Variants in PCDHGB1 observed in about 807,000 individuals in gnomAD.
PCDHGB1 encodes protocadherin gamma subfamily B, 1, also known as protocadherin gamma-B1.
A neutral mutation model predicts 56.6 loss-of-function variants in PCDHGB1; 34 were observed. That is an observed-to-expected ratio of 0.60 (90% confidence interval 0.46 to 0.80). PCDHGB1 has a LOEUF of 0.80. Among genes scored for constraint, PCDHGB1 ranks in the 30% least tolerant of loss-of-function variants. The pLI, the probability that PCDHGB1 is intolerant of heterozygous loss-of-function variation, is 0.00. For missense variants in PCDHGB1, 1,278 were observed against 1,204.6 expected (o/e 1.06, Z -0.90); for synonymous variants, 561 against 505.9 (o/e 1.11, Z -1.46).
Position 141,477,889 on chromosome 5 carries a change from A to T in PCDHGB1, c.2410-16918A>T. 1 of 1,614,152 alleles carries T rather than the reference A, an allele frequency of 6.2e-7. No homozygotes were observed. Among genetic ancestry groups the T allele is most frequent in the Admixed American group, 1.7e-5 (1 of 60,016 alleles). On this transcript the variant is annotated intron_variant, in intron 1 of 3. Coordinates refer to ENST00000523390, the MANE Select transcript of PCDHGB1 (RefSeq NM_018922.3). This position sits in a 1 kb window ranked among gnomAD's most constrained non-coding sequence, Gnocchi z 4.9. The stretch of plus-strand genomic sequence containing the variant: ...GTACCTCAGCTGGCCACCTAGTGTC[A>T]CGGGTGGTAGGCTGGGACGCGGATG...
In PCDHGB1 at chr5:141,487,762, T is replaced by C; in HGVS notation, c.2410-7045T>C. 6.5e-7 allele frequency: 1 copy of C among 1,545,432 alleles called. No homozygotes were observed. The highest frequency in any genetic ancestry group is 8.8e-7 in the Non-Finnish European group (1 of 1,142,332). ...TAAGAGGTAACTATGTGGTAGACGC[T>C]GTGCTTTGTAACTGTTTCGTGAATT... On this transcript the variant is annotated intron_variant, in intron 1 of 3. Coordinates refer to ENST00000523390, the MANE Select transcript of PCDHGB1 (RefSeq NM_018922.3). The surrounding 1 kb of genome is among the most constrained non-coding windows in gnomAD (Gnocchi z 5.0).
intron 1 of PCDHGB1, chr5:141,414,845 T>C: frequency 1.2e-6 from 2 of 1,614,218 alleles, no homozygotes; most frequent in South Asian, 1.1e-5. Flanking sequence ...CTGTTTGTGC[T>C]GGACCAGAAC....
chr5:141,485,362 G>T lies in PCDHGB1; in HGVS notation c.2410-9445G>T. 6.2e-7 allele frequency: 1 copy of T among 1,614,144 alleles called. No individual in the cohort carries two copies. ...ATACGGACAGTCTGTCAGCTCGCAG[G>T]CTGCAGGTCGCTGGAGAGGTGAACC... is the stretch of plus-strand genomic sequence containing the variant. On this transcript the variant is annotated intron_variant, in intron 1 of 3. Coordinates refer to ENST00000523390, the MANE Select transcript of PCDHGB1 (RefSeq NM_018922.3). The surrounding 1 kb of genome is among the most constrained non-coding windows in gnomAD (Gnocchi z 5.7).
chr5:141,455,109 G>A (rs2098813382), intron 1 of PCDHGB1, among the ~76,000 whole-genome samples: 1 of 151,932 alleles, frequency 6.6e-6, no homozygotes, highest in South Asian at 2.1e-4. Context: ...ACTGCGCCCG[G>A]TGGGTCTAAT....
Position 141,350,822 on chromosome 5 carries a change from T to C in PCDHGB1, c.562T>C (p.Tyr188His). 6.2e-7 allele frequency: 1 copy of C among 1,614,012 alleles called. No individual in the cohort carries two copies. The highest frequency in any genetic ancestry group is 8.5e-7 in the Non-Finnish European group (1 of 1,179,884). ...STKESPDGSK[Y>H]PVLLLEKPLD... ...GAAGGAAAGTCCTGATGGAAGTAAA[T>C]ATCCGGTATTACTGCTGGAAAAACC... The change falls in exon 1 of 4, where the codon TAT (tyrosine) becomes CAT (histidine). Residue 188 changes from tyrosine (Y) to histidine (H), a missense_variant. Physicochemically the swap from Tyr to His is moderately conservative, Grantham distance 83 (BLOSUM62 2). Coordinates refer to ENST00000523390, the MANE Select transcript of PCDHGB1 (RefSeq NM_018922.3).
At chr5:141,452,948 G>A (rs2098752873) in intron 1 of PCDHGB1, among the ~76,000 whole-genome samples, 1 of 152,134 alleles carries the variant, frequency 6.6e-6, no homozygotes, top group African/African-American at 2.4e-5. Context: ...CTTGCAATTG[G>A]TTGTCTTTAA....
At chr5:141,414,161 GA>G (rs1351073953) in intron 1 of PCDHGB1, 1 of 1,603,276 alleles carries the variant, frequency 6.2e-7, no homozygotes, top group Admixed American at 1.7e-5. Context: ...GAAGATGGAG[GA>G]GCATATCTTG....
intron 1 of PCDHGB1, among the ~76,000 whole-genome samples, chr5:141,443,765 A>G (rs577762947): frequency 6.6e-6 from 1 of 152,340 alleles, no homozygotes; most frequent in East Asian, 1.9e-4. Context: ...TACAATATAC[A>G]ATATTACCAA....
chr5:141,488,677 G>A (rs2099678276), intron 1 of PCDHGB1, among the ~76,000 whole-genome samples: 2 of 152,184 alleles, frequency 1.3e-5, no homozygotes, highest in African/African-American at 2.4e-5. Context: ...CATGGGCTTT[G>A]CCTCTCCCAG....
intron 1 of PCDHGB1, among the ~76,000 whole-genome samples, chr5:141,471,046 CTTTT>C (rs1170588345): frequency 5.3e-5 from 6 of 113,264 alleles, no homozygotes; most frequent in Admixed American, 9.3e-5. Context: ...CCCAAGCCCT[CTTTT>C]TTTTTTTTTT....
At position 141,477,781 on chromosome 5, in the gene PCDHGB1, A is replaced by G; in HGVS notation, c.2410-17026A>G. 6.2e-7 allele frequency: 1 copy of G among 1,614,036 alleles called. No homozygotes were observed. Among genetic ancestry groups the G allele is most frequent in the South Asian group, 1.1e-5 (1 of 91,090 alleles). Reference sequence around the variant, plus strand: ...TAGCCACCAACATCAGCGTGAACATATTTGTCACTGATCGCAATGACAATG... The same window carrying G: ...TAGCCACCAACATCAGCGTGAACATGTTTGTCACTGATCGCAATGACAATG... On this transcript the variant is annotated intron_variant, in intron 1 of 3. Coordinates refer to ENST00000523390, the MANE Select transcript of PCDHGB1 (RefSeq NM_018922.3). The surrounding 1 kb of genome is among the most constrained non-coding windows in gnomAD (Gnocchi z 4.9).
In PCDHGB1 at chr5:141,438,591, C is replaced by T. The variant is rs12717894; in HGVS notation, c.2410-56216C>T. 3.5e-3 allele frequency among the ~76,000 whole-genome samples: 262 copies of T among 75,376 alleles called. 1 individual carries two copies. The highest frequency in any genetic ancestry group is 4.5e-3 in the Non-Finnish European group (168 of 37,204). 49.4% of individuals were successfully genotyped at this position (75,376 alleles called of 152,430 possible). ...TCTGATATACATACATACATACATA[C>T]ATATATATATATATATATATATATA... On this transcript the variant is annotated intron_variant, in intron 1 of 3. Transcript: ENST00000523390.
intron 2 of PCDHGB1, among the ~76,000 whole-genome samples, chr5:141,502,170 G>A (rs1165631931): frequency 6.6e-6 from 1 of 152,128 alleles, no homozygotes; most frequent in Admixed American, 6.5e-5. Context: ...TTCAGTTGAG[G>A]AATTTAACAT....
intron 1 of PCDHGB1, chr5:141,415,561 T>C (rs11575963): frequency 0.067 from 108,836 of 1,614,090 alleles, 4,260 homozygotes; most frequent in Non-Finnish European, 0.077. Context: ...CGATCCTTTG[T>C]CTTTGTTAGA....
rs527554810 is a variant in PCDHGB1 at position 141,350,478 on chromosome 5, A to G, written c.218A>G (p.Asn73Ser). 3.1e-6 allele frequency: 5 copies of G among 1,613,892 alleles called. No individual in the cohort carries two copies. Among genetic ancestry groups the G allele is most frequent in the Non-Finnish European group, 4.2e-6 (5 of 1,179,904 alleles). The change falls in exon 1 of 4, where the codon AAC becomes AGC. Residue 73 changes from asparagine (N) to serine (S), a missense_variant. Asn to Ser is a conservative substitution (Grantham distance 46). Transcript: ENST00000523390. ...KLRVSAEDYF[N>S]VSLESGDLLV... ...CGGGTTAGTGCAGAGGATTATTTCA[A>G]CGTTAGTTTGGAGAGCGGGGATTTG...
rs3749771 is a variant in PCDHGB1, at chr5:141,376,276, C to A, written c.2409+23607C>A. The A allele has an allele frequency of 5.9e-4, 946 of 1,614,240 alleles. 16 individuals are homozygous for A. The East Asian group carries it at 0.018, about 31-fold the overall frequency. The stretch of plus-strand genomic sequence containing the variant: ...GCCTGCTGCAGGCTTCGGGAGGTGG[C>A]TTAGCGAGCATGCCCGGCTCGCACT... On this transcript the variant is annotated intron_variant, in intron 1 of 3. Coordinates refer to ENST00000523390, the MANE Select transcript of PCDHGB1 (RefSeq NM_018922.3).
In PCDHGB1 at chr5:141,477,605, T is replaced by A. The variant is rs1339408637; in HGVS notation, c.2410-17202T>A. On this transcript the variant is annotated intron_variant, in intron 1 of 3. Transcript: ENST00000523390. This position sits in a 1 kb window ranked among gnomAD's most constrained non-coding sequence, Gnocchi z 4.9. ...GAATGCTCGGCTTTCTTTCTTTCTCTTGGAGCAAGGAGCTGAAACCGGGCT... is the reference window on the plus strand; with the variant it reads ...GAATGCTCGGCTTTCTTTCTTTCTCATGGAGCAAGGAGCTGAAACCGGGCT... The A allele has an allele frequency of 6.2e-6, 10 of 1,614,102 alleles. No individual in the cohort carries two copies. In the South Asian group the frequency reaches 1.1e-4, roughly 18 times the overall value.
intron 2 of PCDHGB1, among the ~76,000 whole-genome samples, chr5:141,505,113 G>A (rs1254889990): frequency 6.6e-6 from 1 of 152,178 alleles, no homozygotes; most frequent in East Asian, 1.9e-4. Context: ...AATGAGCCAA[G>A]ATCGCGCCAC....
chr5:141,489,096 ACT>A lies in PCDHGB1; in HGVS notation c.2410-5710_2410-5709del. The A allele has an allele frequency of 2.0e-6, 1 of 494,278 alleles. No individual in the cohort carries two copies. The allele number at this position is 494,278 out of a possible 1,614,324, so 30.6% of individuals were successfully genotyped here. A position where few individuals can be genotyped will look rare whatever the true frequency, so the allele number is the denominator to read the frequency against. ...CACCCCCGCCACTCGGTGACTAAGA[ACT>A]GCTGCAAGCAGGCAAACCTCCGAGC... On this transcript the variant is annotated intron_variant, in intron 1 of 3. Coordinates refer to ENST00000523390, the MANE Select transcript of PCDHGB1 (RefSeq NM_018922.3). The surrounding 1 kb of genome is among the most constrained non-coding windows in gnomAD (Gnocchi z 4.5).
Sources: gnomAD v4.1 joint callset for allele counts (sites outside exome capture counted in the v4.1 genomes callset) on GRCh38, gnomAD v4.1.1 for gene constraint, Gnocchi (gnomAD v3.1) non-coding constraint, MANE v1.5 for transcripts, NCBI Gene and HGNC (gene_info 2026-07-23, HGNC 2026-07-21) for gene names.